The following ZHX2 variants were observed in gnomAD, a reference collection of about 807,000 sequenced individuals.
ZHX2 encodes zinc fingers and homeoboxes 2.
Under a neutral mutation model 21.9 loss-of-function variants are expected in ZHX2, and 6 were observed. That is an observed-to-expected ratio of 0.27 (90% CI 0.15 to 0.54). The LOEUF is 0.54. ZHX2 is among the 20% of genes least tolerant of loss of function. The pLI is 0.95. For missense variants in ZHX2, 908 were observed against 1,090.7 expected, an observed-to-expected ratio of 0.83 and a Z score of 2.36; for synonymous variants, 434 against 437.1, an observed-to-expected ratio of 0.99 and a Z score of 0.09.
At chr8:122,833,281 T>C (rs1355334227) in intron 1 of ZHX2, among the ~76,000 whole-genome samples, 1 of 152,100 alleles carries the variant, frequency 6.6e-6, no homozygotes, top group African/African-American at 2.4e-5. Flanking sequence ...TTAAGTTCCA[T>C]GTGGCTTTTT....
intron 1 of ZHX2, among the ~76,000 whole-genome samples, chr8:122,860,982 G>A (rs1175429505): frequency 3.5e-5 from 5 of 143,934 alleles, no homozygotes; most frequent in African/African-American, 5.2e-5. Flanking sequence ...GCAGTGAGCC[G>A]AGATCATGCC....
At chr8:122,812,727 T>C (rs1026016914) in intron 1 of ZHX2, among the ~76,000 whole-genome samples, 1 of 152,182 alleles carries the variant, frequency 6.6e-6, no homozygotes, top group African/African-American at 2.4e-5. Context: ...GGCTAACACA[T>C]TAAACATGTA....
chr8:122,814,566 A>G (rs1219911927), intron 1 of ZHX2, among the ~76,000 whole-genome samples: 1 of 152,262 alleles, frequency 6.6e-6, no homozygotes, highest in Non-Finnish European at 1.5e-5. Context: ...ACAAGAAAAT[A>G]GAAGTCACTA....
intron 1 of ZHX2, among the ~76,000 whole-genome samples, chr8:122,836,392 C>T (rs868649006): frequency 2.0e-5 from 3 of 152,160 alleles, no homozygotes; most frequent in South Asian, 2.1e-4. Flanking sequence ...GCTTGCTCTC[C>T]GGGGTGGAGG....
chr8:122,961,567 G>A (rs1039306220), intron 3 of ZHX2, among the ~76,000 whole-genome samples: 2 of 152,178 alleles, frequency 1.3e-5, no homozygotes, highest in East Asian at 3.8e-4. Flanking sequence ...TGGCTGGGGA[G>A]GCCTCAGGAA....
intron 1 of ZHX2, among the ~76,000 whole-genome samples, chr8:122,817,934 G>A (rs918159341): frequency 7.9e-5 from 12 of 152,196 alleles, no homozygotes; most frequent in Non-Finnish European, 1.8e-4. Flanking sequence ...GAATCAGCAT[G>A]TCTCCCTCCT....
chr8:122,893,800 T>C (rs1820036678), intron 2 of ZHX2, among the ~76,000 whole-genome samples: 1 of 152,274 alleles, frequency 6.6e-6, no homozygotes, highest in Non-Finnish European at 1.5e-5. Flanking sequence ...TTTGTATTTC[T>C]CTTCAGACAT....
At chr8:122,892,278 C>G (rs1339966917) in intron 2 of ZHX2, among the ~76,000 whole-genome samples, 6 of 152,104 alleles carry the variant, frequency 3.9e-5, no homozygotes, top group Non-Finnish European at 8.8e-5. Flanking sequence ...CATGGAATAT[C>G]TTTTTCTAGT....
intron 2 of ZHX2, among the ~76,000 whole-genome samples, chr8:122,906,934 G>A (rs1032860543): frequency 6.6e-6 from 1 of 151,984 alleles, no homozygotes; most frequent in African/African-American, 2.4e-5. Context: ...GCCTCCCAAA[G>A]TGCTGGGATT....
Position 122,913,069 on chromosome 8 carries a change from C to T in ZHX2, c.-219-38223C>T, listed in dbSNP as rs570560631. Among the ~76,000 whole-genome samples the T allele has an allele frequency of 2.3e-4, 35 of 152,288 alleles. No individual in the cohort carries two copies. In the East Asian group the frequency reaches 2.7e-3, roughly 12 times the overall value. On this transcript the variant is annotated intron_variant, in intron 2 of 3. Coordinates refer to ENST00000314393, the MANE Select transcript of ZHX2 (RefSeq NM_014943.5). ...TGCCCTGCCTCCAGTCAGCTCTAGG[C>T]GACCACTCATCTATTTCTGCCTCTA...
intron 1 of ZHX2, among the ~76,000 whole-genome samples, chr8:122,785,664 G>A (rs1223995492): frequency 1.3e-5 from 2 of 152,204 alleles, no homozygotes; most frequent in African/African-American, 4.8e-5. Flanking sequence ...TGAGCAAATT[G>A]GGGTTCAACT....
rs1486403689 is a variant in ZHX2, at chr8:122,953,573, T to C, written c.2063T>C (p.Val688Ala). 1 of 1,613,934 alleles carries C rather than the reference T, an allele frequency of 6.2e-7. No individual in the cohort carries two copies. Among genetic ancestry groups the C allele is most frequent in the Admixed American group, 1.7e-5 (1 of 59,998 alleles). Residue 688 changes from valine to alanine, a missense_variant, in exon 3 of 4, where the codon GTG (valine) becomes GCG (alanine). This residue lies in a region of ZHX2 where 431 missense variants were observed against 428.6 expected (regional missense o/e 1.01). Coordinates refer to ENST00000314393, the MANE Select transcript of ZHX2 (RefSeq NM_014943.5). This position sits in a 1 kb window ranked among gnomAD's most constrained non-coding sequence, Gnocchi z 4.6. The part of the protein sequence containing the change: ...ENRCLLKTGT[V>A]KWMEQYQHQP... ...AGATGCTTGCTGAAAACGGGAACCG[T>C]GAAGTGGATGGAGCAGTACCAGCAC... is the stretch of plus-strand genomic sequence containing the variant.
chr8:122,803,508 A>C (rs868574186), intron 1 of ZHX2, among the ~76,000 whole-genome samples: 5 of 152,184 alleles, frequency 3.3e-5, no homozygotes, highest in African/African-American at 1.2e-4. Context: ...TGTCCTGTGC[A>C]TCATAGGGTA....
chr8:122,797,681 A>T (rs1300931084), intron 1 of ZHX2, among the ~76,000 whole-genome samples: 1 of 152,184 alleles, frequency 6.6e-6, no homozygotes, highest in Non-Finnish European at 1.5e-5. Context: ...CAGGATGTGG[A>T]GGAGCAGTCC....
At chr8:122,897,990 G>A (rs551841977) in intron 2 of ZHX2, among the ~76,000 whole-genome samples, 30 of 152,308 alleles carry the variant, frequency 2.0e-4, no homozygotes, top group Admixed American at 2.6e-4. Flanking sequence ...CGCTCCATTC[G>A]AGTGAATGAA....
At chr8:122,846,547 GTATTT>G (rs781524981) in intron 1 of ZHX2, among the ~76,000 whole-genome samples, 1 of 129,686 alleles carries the variant, frequency 7.7e-6, no homozygotes, top group Non-Finnish European at 1.6e-5. Context: ...CAGACTTTGT[GTATTT>G]TTTTTTTTTT....
intron 1 of ZHX2, chr8:122,815,739 G>A (rs1387819128): frequency 6.6e-6 from 1 of 152,290 alleles, no homozygotes; most frequent in African/African-American, 2.4e-5. Context: ...ATGCTACAGA[G>A]AAAGCTTTTG....
chr8:122,969,270 G>A (rs1342790815), intron 3 of ZHX2, among the ~76,000 whole-genome samples: 1 of 152,102 alleles, frequency 6.6e-6, no homozygotes, highest in Non-Finnish European at 1.5e-5. Context: ...TCATACAATG[G>A]GTGTAAAGTT....
At chr8:122,834,582 C>T (rs778271726) in intron 1 of ZHX2, among the ~76,000 whole-genome samples, 42 of 152,202 alleles carry the variant, frequency 2.8e-4, no homozygotes, top group Non-Finnish European at 4.7e-4. Context: ...TTACTTTCCT[C>T]ATCACGATTG....
Sources: gnomAD v4.1 joint callset for allele counts (sites outside exome capture counted in the v4.1 genomes callset) on GRCh38, gnomAD v4.1.1 for gene constraint, gnomAD v4.1.1 regional missense constraint, Gnocchi (gnomAD v3.1) non-coding constraint, MANE v1.5 for transcripts, NCBI Gene and HGNC (gene_info 2026-07-23, HGNC 2026-07-21) for gene names.